Variants in SUSD1 observed in about 807,000 individuals in gnomAD.
SUSD1 encodes the protein sushi domain-containing protein 1.
In SUSD1, 65 loss-of-function variants were observed where a neutral mutation model predicts 86.9. The observed-to-expected ratio is 0.75, with a 90% CI of 0.61 to 0.92. The LOEUF (loss-of-function observed/expected upper bound fraction) is 0.92, where lower values mean the gene tolerates loss of function less well. Ranked by LOEUF, SUSD1 falls within the 40% of genes least tolerant of loss-of-function variation. The pLI, the probability that SUSD1 is intolerant of heterozygous loss-of-function variation, is 0.00. For synonymous variants in SUSD1, 346 were observed against 350.0 expected (o/e 0.99, Z 0.13); for missense variants, 850 against 929.7 (o/e 0.91, Z 1.11).
At chr9:112,063,408 T>C (rs1399481385) in intron 12 of SUSD1, among the ~76,000 whole-genome samples, 2 of 152,218 alleles carry the variant, frequency 1.3e-5, no homozygotes, top group Non-Finnish European at 2.9e-5. Flanking sequence ...GCCAATAAAC[T>C]GTGTGCTTCA....
intron 12 of SUSD1, among the ~76,000 whole-genome samples, chr9:112,070,395 G>A (rs186921567): frequency 6.6e-6 from 1 of 152,288 alleles, no homozygotes; most frequent in East Asian, 1.9e-4. Flanking sequence ...ATTTCGAGGT[G>A]GAACAAACTT....
intron 5 of SUSD1, among the ~76,000 whole-genome samples, chr9:112,126,428 T>C (rs1831775366): frequency 6.6e-6 from 1 of 152,176 alleles, no homozygotes; most frequent in African/African-American, 2.4e-5. Context: ...ATGATGACTT[T>C]GGTTGGGACT....
At chr9:112,072,134 C>CTCT (rs1829296498) in intron 12 of SUSD1, among the ~76,000 whole-genome samples, 1 of 140,566 alleles carries the variant, frequency 7.1e-6, no homozygotes, top group African/African-American at 2.6e-5. Flanking sequence ...TTATTTCTTT[C>CTCT]TTTCTCTTTT....
intron 6 of SUSD1, among the ~76,000 whole-genome samples, chr9:112,114,850 CAA>C (rs1424837342): frequency 3.3e-5 from 5 of 152,168 alleles, no homozygotes; most frequent in Admixed American, 3.3e-4. Flanking sequence ...GGCTGTCCAA[CAA>C]AGACTTAGTT....
intron 5 of SUSD1, among the ~76,000 whole-genome samples, chr9:112,138,244 T>C (rs866311161): frequency 3.7e-4 from 36 of 98,276 alleles, no homozygotes; most frequent in African/African-American, 6.0e-4. Context: ...TGTGTATATA[T>C]ATATATATAT....
At chr9:112,074,837 G>A (rs1829448267) in intron 12 of SUSD1, among the ~76,000 whole-genome samples, 2 of 148,430 alleles carry the variant, frequency 1.3e-5, no homozygotes, top group Non-Finnish European at 3.0e-5. Context: ...AAAGCAACTT[G>A]ATTTTTTTAT....
intron 3 of SUSD1, among the ~76,000 whole-genome samples, chr9:112,146,385 G>A (rs1363584925): frequency 1.3e-5 from 2 of 152,094 alleles, no homozygotes; most frequent in African/African-American, 4.8e-5. Context: ...TCAAAAGGGT[G>A]AATTTGATGG....
At chr9:112,162,643 T>C (rs1833620170) in intron 1 of SUSD1, among the ~76,000 whole-genome samples, 1 of 152,242 alleles carries the variant, frequency 6.6e-6, no homozygotes, top group Admixed American at 6.5e-5. Context: ...AACTTAAAGC[T>C]GTTGGAACTT....
chr9:112,058,117 A>G (rs1219467404), intron 14 of SUSD1, among the ~76,000 whole-genome samples: 1 of 152,188 alleles, frequency 6.6e-6, no homozygotes, highest in African/African-American at 2.4e-5. Context: ...GTTAACAGAG[A>G]ATCTAGATGT....
chr9:112,051,367 T>C (rs573174712), intron 15 of SUSD1, among the ~76,000 whole-genome samples: 5 of 151,670 alleles, frequency 3.3e-5, no homozygotes, highest in Admixed American at 2.0e-4. Context: ...GGATCATGCA[T>C]AGGATAGTTC....
chr9:112,172,665 G>C (rs1200207017), intron 1 of SUSD1, among the ~76,000 whole-genome samples: 1 of 152,134 alleles, frequency 6.6e-6, no homozygotes, highest in Non-Finnish European at 1.5e-5. Context: ...CCAAGCCTTA[G>C]TGTCATCTTT....
chr9:112,174,124 G>A (rs528373912), intron 1 of SUSD1, among the ~76,000 whole-genome samples: 2 of 152,240 alleles, frequency 1.3e-5, no homozygotes, highest in South Asian at 4.1e-4. Context: ...TCTGCCTCTG[G>A]TGCCTCCGTG....
At chr9:112,117,095 G>A (rs540862331) in intron 6 of SUSD1, among the ~76,000 whole-genome samples, 14 of 152,292 alleles carry the variant, frequency 9.2e-5, no homozygotes, top group African/African-American at 2.4e-4. Context: ...AGCTGAGATC[G>A]TGCCACTGCA....
At chr9:112,062,724 TA>T (rs1020676767) in intron 13 of SUSD1, among the ~76,000 whole-genome samples, 5 of 151,812 alleles carry the variant, frequency 3.3e-5, no homozygotes, top group African/African-American at 1.2e-4. Context: ...ATTTAAATTT[TA>T]AAAAAAAGAA....
intron 8 of SUSD1, among the ~76,000 whole-genome samples, chr9:112,107,548 G>C (rs1830905336): frequency 6.6e-6 from 1 of 151,942 alleles, no homozygotes; most frequent in Non-Finnish European, 1.5e-5. Context: ...AAAAATAAAA[G>C]TTTTCCAGAA....
At chr9:112,078,319 G>A (rs1337167339) in intron 12 of SUSD1, among the ~76,000 whole-genome samples, 3 of 152,170 alleles carry the variant, frequency 2.0e-5, no homozygotes, top group South Asian at 2.1e-4. Context: ...ACTCCAGCCT[G>A]GGCGACAGAG....
intron 15 of SUSD1, chr9:112,042,162 A>G: frequency 6.5e-7 from 1 of 1,537,622 alleles, no homozygotes. Flanking sequence ...GTTACAAGGT[A>G]TTTCTGAAAA....
rs1270494254 is a variant in SUSD1 at position 112,051,431 on chromosome 9, T to TTTG, written c.2149+965_2149+967dup. Among the ~76,000 whole-genome samples the TTTG allele has an allele frequency of 9.0e-4, 99 of 109,778 alleles. 3 individuals are homozygous for TTTG. The Middle Eastern group carries it at 0.013, about 15-fold the overall frequency. 72.0% of individuals were successfully genotyped at this position (109,778 alleles called of 152,430 possible). A position where few individuals can be genotyped will look rare whatever the true frequency, so the allele number is the denominator to read the frequency against. ...TTCTTTTTTTTTTTTTTTTTTTTTT[T>TTTG]TTGTTGTTGTTGTTGTTGAGATGGA... On this transcript the variant is annotated intron_variant, in intron 15 of 16. Transcript: ENST00000374270.
At chr9:112,054,193 T>C (rs777589255) in intron 14 of SUSD1, among the ~76,000 whole-genome samples, 4 of 152,146 alleles carry the variant, frequency 2.6e-5, no homozygotes, top group Admixed American at 6.5e-5. Context: ...GACAGACATA[T>C]AGGCCAATGG....
Sources: allele counts gnomAD v4.1 joint callset (sites outside exome capture counted in the v4.1 genomes callset), GRCh38; gene constraint gnomAD v4.1.1; transcripts MANE v1.5; gene names NCBI Gene and HGNC (gene_info 2026-07-23, HGNC 2026-07-21).